CCDC91: variants seen among roughly 807,000 people sequenced by gnomAD.
CCDC91 encodes the protein coiled-coil domain-containing protein 91.
A neutral mutation model predicts 63.2 loss-of-function variants in CCDC91; 48 were observed. The ratio of observed to expected loss-of-function variants is 0.76; its 90% CI spans 0.60 to 0.97. The LOEUF (loss-of-function observed/expected upper bound fraction) is 0.97, where lower values mean the gene tolerates loss of function less well. Ranked by LOEUF, CCDC91 falls within the 50% of genes least tolerant of loss-of-function variation. The probability of loss-of-function intolerance (pLI) is 0.00; values close to 1 mark genes in which losing one functional copy is unlikely to be tolerated. For missense variants in CCDC91, 500 were observed against 494.6 expected (o/e 1.01, Z -0.10); for synonymous variants, 167 against 165.8 (o/e 1.01, Z -0.06).
chr12:28,520,832 G>C (rs558670725), intron 12 of CCDC91, among the ~76,000 whole-genome samples: 12 of 152,014 alleles, frequency 7.9e-5, no homozygotes, highest in East Asian at 1.9e-4. Flanking sequence ...ATAGGGAATC[G>C]TTTCCCCATT....
intron 3 of CCDC91, among the ~76,000 whole-genome samples, chr12:28,297,634 A>C (rs1053047854): frequency 6.6e-6 from 1 of 151,894 alleles, no homozygotes; most frequent in African/African-American, 2.4e-5. Context: ...AAAATTTTAT[A>C]GATTTCTCTT....
intron 8 of CCDC91, among the ~76,000 whole-genome samples, chr12:28,423,920 G>A (rs933395147): frequency 6.6e-6 from 1 of 152,106 alleles, no homozygotes; most frequent in African/African-American, 2.4e-5. Context: ...TTCAAATTGG[G>A]ACATATTGAA....
intron 3 of CCDC91, among the ~76,000 whole-genome samples, chr12:28,265,717 A>G (rs527580121): frequency 2.8e-4 from 42 of 152,188 alleles, no homozygotes; most frequent in Admixed American, 6.6e-4. Flanking sequence ...AATTGTCTCA[A>G]TATTTTTCTT....
At chr12:28,526,247 G>C (rs1221905466) in intron 12 of CCDC91, among the ~76,000 whole-genome samples, 2 of 151,040 alleles carry the variant, frequency 1.3e-5, no homozygotes, top group Admixed American at 1.3e-4. Flanking sequence ...TCCAGAATTT[G>C]TTTCAAGATT....
intron 12 of CCDC91, among the ~76,000 whole-genome samples, chr12:28,487,927 T>G (rs553605802): frequency 1.3e-5 from 2 of 151,916 alleles, no homozygotes; most frequent in Admixed American, 1.3e-4. Context: ...TTTTTTTTAG[T>G]CTTTTGCTTT....
chr12:28,425,706 T>A (rs1948276373), intron 8 of CCDC91, among the ~76,000 whole-genome samples: 1 of 152,234 alleles, frequency 6.6e-6, no homozygotes, highest in African/African-American at 2.4e-5. Context: ...ACTGTTGAGC[T>A]CCTGCTAATA....
intron 6 of CCDC91, among the ~76,000 whole-genome samples, chr12:28,325,251 A>G (rs1443396875): frequency 6.6e-6 from 1 of 152,064 alleles, no homozygotes; most frequent in African/African-American, 2.4e-5. Context: ...AGATACCGTA[A>G]GTGATTTCTT....
intron 3 of CCDC91, among the ~76,000 whole-genome samples, chr12:28,274,855 C>G (rs1948083408): frequency 6.6e-6 from 1 of 152,062 alleles, no homozygotes; most frequent in African/African-American, 2.4e-5. Flanking sequence ...CCTGATTGCC[C>G]TGGCCAGAAC....
chr12:28,377,671 C>T (rs1223089703), intron 7 of CCDC91, among the ~76,000 whole-genome samples: 2 of 151,228 alleles, frequency 1.3e-5, no homozygotes, highest in Non-Finnish European at 3.0e-5. Flanking sequence ...TAGGGTTTTC[C>T]CCTCTGGTAT....
chr12:28,284,454 A>G (rs776708955), intron 3 of CCDC91, among the ~76,000 whole-genome samples: 1 of 152,110 alleles, frequency 6.6e-6, no homozygotes, highest in Non-Finnish European at 1.5e-5. Flanking sequence ...GGAGTTCAAG[A>G]CCAGCCTGAC....
intron 3 of CCDC91, among the ~76,000 whole-genome samples, chr12:28,262,626 CT>C (rs1394444026): frequency 6.6e-6 from 1 of 151,914 alleles, no homozygotes; most frequent in Non-Finnish European, 1.5e-5. Flanking sequence ...AAAATGCTAG[CT>C]TATAGGCAAT....
At chr12:28,532,811 C>T (rs144871911) in intron 12 of CCDC91, among the ~76,000 whole-genome samples, 2,457 of 152,090 alleles carry the variant, frequency 0.016, 25 homozygotes, top group South Asian at 0.029. Context: ...AATTTGAGAA[C>T]GGTATCAAGG....
intron 6 of CCDC91, chr12:28,319,233 G>A (rs1313992390): frequency 1.3e-5 from 2 of 151,806 alleles, no homozygotes; most frequent in Non-Finnish European, 2.9e-5. Context: ...AAATAAATAT[G>A]CTTATAAATG....
intron 12 of CCDC91, among the ~76,000 whole-genome samples, chr12:28,523,202 G>A (rs951470003): frequency 1.3e-5 from 2 of 152,038 alleles, no homozygotes; most frequent in Non-Finnish European, 2.9e-5. Context: ...TTATTGTGTG[G>A]GAGTCTAAGT....
intron 3 of CCDC91, among the ~76,000 whole-genome samples, chr12:28,263,491 A>G (rs1238347599): frequency 6.6e-6 from 1 of 152,008 alleles, no homozygotes; most frequent in Non-Finnish European, 1.5e-5. Flanking sequence ...AATGTTCTCA[A>G]GGTTCATCCA....
chr12:28,206,108 C>T (rs1942829751), intron 1 of CCDC91, among the ~76,000 whole-genome samples: 1 of 152,126 alleles, frequency 6.6e-6, no homozygotes, highest in Middle Eastern at 3.2e-3. Context: ...CTATGTGTTT[C>T]CTTAAAGTCT....
chr12:28,481,152 A>G (rs1185426500), intron 11 of CCDC91, among the ~76,000 whole-genome samples: 1 of 152,054 alleles, frequency 6.6e-6, no homozygotes, highest in East Asian at 1.9e-4. Flanking sequence ...ATGTTTCTGC[A>G]TATATTTTTA....
At chr12:28,523,209 A>G (rs1238221031) in intron 12 of CCDC91, among the ~76,000 whole-genome samples, 4 of 152,258 alleles carry the variant, frequency 2.6e-5, no homozygotes, top group Non-Finnish European at 4.4e-5. Flanking sequence ...GTGGGAGTCT[A>G]AGTCTCTTTG....
chr12:28,260,040 A>G (rs1946725779), intron 3 of CCDC91, among the ~76,000 whole-genome samples: 1 of 151,984 alleles, frequency 6.6e-6, no homozygotes, highest in South Asian at 2.1e-4. Context: ...CCTAGACCTC[A>G]AATGTTACAG....
Sources: gnomAD v4.1 joint callset for allele counts (sites outside exome capture counted in the v4.1 genomes callset) on GRCh38, gnomAD v4.1.1 for gene constraint, MANE v1.5 for transcripts, NCBI Gene and HGNC (gene_info 2026-07-23, HGNC 2026-07-21) for gene names.